The following ERBIN variants were observed in gnomAD, a reference collection of about 807,000 sequenced individuals.
ERBIN encodes the protein densin-180-like protein.
Under a neutral mutation model 158.4 loss-of-function variants are expected in ERBIN, and 60 were observed. That is an observed-to-expected ratio of 0.38 (90% CI 0.31 to 0.47). ERBIN has a LOEUF of 0.47. Ranked by LOEUF, ERBIN falls within the 20% of genes least tolerant of loss-of-function variation. ERBIN has a pLI of 0.99. For synonymous variants in ERBIN, 594 were observed against 557.2 expected, an observed-to-expected ratio of 1.07 and a Z score of -0.93; for missense variants, 1,610 against 1,648.0, an observed-to-expected ratio of 0.98 and a Z score of 0.40.
intron 1 of ERBIN, among the ~76,000 whole-genome samples, chr5:65,977,555 G>T (rs1445703114): frequency 1.3e-5 from 2 of 150,760 alleles, no homozygotes; most frequent in African/African-American, 4.9e-5. Flanking sequence ...CATCTCAGAC[G>T]ATGGGCGGCC....
At chr5:66,065,916 GT>G (rs1169127230) in intron 21 of ERBIN, among the ~76,000 whole-genome samples, 1 of 152,012 alleles carries the variant, frequency 6.6e-6, no homozygotes, top group Non-Finnish European at 1.5e-5. Context: ...TTGTCTGAGA[GT>G]TTAATGTGAT....
At chr5:65,946,688 C>T (rs10068158) in intron 1 of ERBIN, among the ~76,000 whole-genome samples, 2,563 of 152,018 alleles carry the variant, frequency 0.017, 72 homozygotes, top group African/African-American at 0.059. Flanking sequence ...TAGAAACTGC[C>T]AAAGAGTGTT....
At chr5:66,055,487 A>T (rs1400868663) in intron 21 of ERBIN, among the ~76,000 whole-genome samples, 1 of 152,166 alleles carries the variant, frequency 6.6e-6, no homozygotes, top group East Asian at 1.9e-4. Context: ...AAACTCAGTT[A>T]AGTGTTTCTG....
intron 1 of ERBIN, among the ~76,000 whole-genome samples, chr5:65,927,267 G>A (rs1742771662): frequency 6.6e-6 from 1 of 152,108 alleles, no homozygotes; most frequent in Non-Finnish European, 1.5e-5. Flanking sequence ...ATTGGCGCTT[G>A]CGTTAATTGT....
chr5:65,985,337 A>G (rs886367615), intron 1 of ERBIN, among the ~76,000 whole-genome samples: 1 of 152,182 alleles, frequency 6.6e-6, no homozygotes, highest in Non-Finnish European at 1.5e-5. Context: ...TGATCCACCT[A>G]CTTCAGCTTC....
intron 21 of ERBIN, among the ~76,000 whole-genome samples, chr5:66,059,846 A>G (rs1408692412): frequency 6.6e-6 from 1 of 152,018 alleles, no homozygotes; most frequent in South Asian, 2.1e-4. Flanking sequence ...ACGTTTATTG[A>G]TTTTCATATG....
chr5:65,985,867 A>G (rs1001281656), intron 1 of ERBIN, among the ~76,000 whole-genome samples: 2 of 152,138 alleles, frequency 1.3e-5, no homozygotes, highest in Non-Finnish European at 2.9e-5. Context: ...TGACTTTCAC[A>G]TTAATACACA....
intron 1 of ERBIN, among the ~76,000 whole-genome samples, chr5:65,944,167 C>T (rs559726127): frequency 6.7e-6 from 1 of 149,908 alleles, no homozygotes; most frequent in South Asian, 2.1e-4. Flanking sequence ...TACACCGAAG[C>T]GGAATTGCTG....
At chr5:66,077,776 ACAC>A (rs1762125853) in intron 25 of ERBIN, among the ~76,000 whole-genome samples, 1 of 129,158 alleles carries the variant, frequency 7.7e-6, no homozygotes, top group African/African-American at 3.2e-5. Context: ...ACACACACAC[ACAC>A]ACACACACAC....
At chr5:65,983,110 A>G (rs1750827687) in intron 1 of ERBIN, among the ~76,000 whole-genome samples, 1 of 152,218 alleles carries the variant, frequency 6.6e-6, no homozygotes, top group African/African-American at 2.4e-5. Flanking sequence ...TATGTCTACC[A>G]CTTAATTGCA....
chr5:65,998,970 C>T (rs566420000), intron 4 of ERBIN, among the ~76,000 whole-genome samples: 1 of 151,694 alleles, frequency 6.6e-6, no homozygotes, highest in African/African-American at 2.4e-5. Flanking sequence ...ACACATGGCT[C>T]CACCAGTTGT....
chr5:65,973,373 G>A (rs1347941969), intron 1 of ERBIN, among the ~76,000 whole-genome samples: 4 of 150,506 alleles, frequency 2.7e-5, no homozygotes, highest in Non-Finnish European at 5.9e-5. Flanking sequence ...TGCACGTTGG[G>A]CACATGTACC....
intron 1 of ERBIN, among the ~76,000 whole-genome samples, chr5:65,982,846 T>C (rs1750800429): frequency 6.6e-6 from 1 of 152,372 alleles, no homozygotes; most frequent in African/African-American, 2.4e-5. Context: ...CAGAAGCATG[T>C]GTTCTTATAA....
rs184370736 is a variant in ERBIN at position 66,000,912 on chromosome 5, G to A, written c.307+6048G>A. 3.1e-3 allele frequency among the ~76,000 whole-genome samples: 469 copies of A among 152,104 alleles called. 4 individuals carry two copies. Among genetic ancestry groups the A allele is most frequent in the Non-Finnish European group, 5.3e-3 (362 of 67,940 alleles). On this transcript the variant is annotated intron_variant, in intron 4 of 25. Transcript: ENST00000284037. ...TCATCTTATATTCTTCATAAGTGGTGTATTTAACCCATTTTACCTTAAGAG... is the reference window on the plus strand; with the variant it reads ...TCATCTTATATTCTTCATAAGTGGTATATTTAACCCATTTTACCTTAAGAG...
intron 1 of ERBIN, among the ~76,000 whole-genome samples, chr5:65,977,074 C>A (rs1335427266): frequency 6.6e-6 from 1 of 152,096 alleles, no homozygotes; most frequent in Non-Finnish European, 1.5e-5. Context: ...AGGGGCTCCT[C>A]ACTTCCCAGT....
At chr5:65,927,594 T>A (rs1329562119) in intron 1 of ERBIN, among the ~76,000 whole-genome samples, 1 of 152,228 alleles carries the variant, frequency 6.6e-6, no homozygotes, top group Non-Finnish European at 1.5e-5. Flanking sequence ...TCTGTACAGT[T>A]CAGAACAGAC....
chr5:66,046,676 A>C (rs1004352946), intron 18 of ERBIN, 138 bp downstream of exon 18: 25 of 644,316 alleles, frequency 3.9e-5, no homozygotes, highest in Non-Finnish European at 7.5e-6. Context: ...ATCTGCAAAA[A>C]TATCACTCAC....
chr5:65,981,652 A>AAC (rs201757770), intron 1 of ERBIN, among the ~76,000 whole-genome samples: 6,037 of 141,460 alleles, frequency 0.043, 405 homozygotes, highest in African/African-American at 0.16. Flanking sequence ...TTTAAACAAC[A>AAC]AAAAAAAAAC....
intron 22 of ERBIN, among the ~76,000 whole-genome samples, chr5:66,073,600 A>G (rs958294139): frequency 5.3e-5 from 8 of 152,226 alleles, no homozygotes; most frequent in Admixed American, 1.3e-4. Context: ...ATACAAATCT[A>G]TACCAAAGCT....
Sources: gnomAD v4.1 joint callset for allele counts (sites outside exome capture counted in the v4.1 genomes callset) on GRCh38, gnomAD v4.1.1 for gene constraint, MANE v1.5 for transcripts, NCBI Gene and HGNC (gene_info 2026-07-23, HGNC 2026-07-21) for gene names.